The following RPS6KC1 variants were observed in gnomAD, a reference collection of about 807,000 sequenced individuals.
RPS6KC1 encodes the protein ribosomal protein S6 kinase C1.
Under a neutral mutation model 103.8 loss-of-function variants are expected in RPS6KC1, and 54 were observed. That is an observed-to-expected ratio of 0.52 (90% CI 0.42 to 0.65). The LOEUF is 0.65. Ranked by LOEUF, RPS6KC1 falls within the 30% of genes least tolerant of loss-of-function variation. RPS6KC1 has a pLI of 0.00. For missense variants in RPS6KC1, 1,151 were observed against 1,253.8 expected, an observed-to-expected ratio of 0.92 and a Z score of 1.24; for synonymous variants, 439 against 438.7, an observed-to-expected ratio of 1.00 and a Z score of -0.01.
At chr1:213,616,596 G>C in the RPS6KC1 span, among the ~76,000 whole-genome samples, 1 of 152,222 alleles carries the variant, frequency 6.6e-6, no homozygotes, top group African/African-American at 2.4e-5. Context: ...AGGATCGCTT[G>C]AGCCCAGGAG....
the RPS6KC1 span, among the ~76,000 whole-genome samples, chr1:213,598,252 C>T: frequency 3.9e-5 from 6 of 152,296 alleles, no homozygotes; most frequent in African/African-American, 1.4e-4. Flanking sequence ...TCCAACAGCA[C>T]ATAAGTAGGA....
At chr1:213,510,207 C>A in the RPS6KC1 span, among the ~76,000 whole-genome samples, 4 of 152,232 alleles carry the variant, frequency 2.6e-5, no homozygotes, top group African/African-American at 9.6e-5. Flanking sequence ...AAGCCCCAGG[C>A]ATTACCTGTG....
chr1:213,169,926 C>T lies in RPS6KC1; in HGVS notation c.951+1953C>T, dbSNP rs139098693. 9.2e-3 allele frequency among the ~76,000 whole-genome samples: 1,404 copies of T among 151,806 alleles called. 43 individuals carry two copies. The highest frequency in any genetic ancestry group is 0.071 in the East Asian group (364 of 5,158). On this transcript the variant is annotated intron_variant, in intron 7 of 14. Coordinates refer to ENST00000366960, the MANE Select transcript of RPS6KC1 (RefSeq NM_012424.6). The stretch of plus-strand genomic sequence containing the variant: ...CCTCCCGAGTAGCTGGGACTACAGG[C>T]GCATGCCACTATGCCTGGCTAATTT...
chr1:213,432,048 A>G, the RPS6KC1 span, among the ~76,000 whole-genome samples: 4 of 152,196 alleles, frequency 2.6e-5, no homozygotes, highest in Admixed American at 6.5e-5. Context: ...GTGCCTAATG[A>G]CAGTGATCAC....
the RPS6KC1 span, among the ~76,000 whole-genome samples, chr1:213,609,912 C>G: frequency 4.0e-5 from 6 of 151,558 alleles, no homozygotes; most frequent in South Asian, 8.4e-4. Flanking sequence ...GCTTTTCTAC[C>G]CTTTCCATGA....
chr1:213,372,871 A>G, the RPS6KC1 span, among the ~76,000 whole-genome samples: 7 of 152,016 alleles, frequency 4.6e-5, no homozygotes, highest in African/African-American at 1.7e-4. Flanking sequence ...ATACAAATAC[A>G]TACATATTTA....
chr1:213,687,500 C>T, the RPS6KC1 span, among the ~76,000 whole-genome samples: 21 of 152,140 alleles, frequency 1.4e-4, no homozygotes, highest in African/African-American at 4.3e-4. Context: ...TCTAATATCA[C>T]ATACATTTAC....
chr1:213,796,792 G>A, the RPS6KC1 span, among the ~76,000 whole-genome samples: 1 of 152,188 alleles, frequency 6.6e-6, no homozygotes, highest in Non-Finnish European at 1.5e-5. Flanking sequence ...AGTGATCAAA[G>A]TTTAACCCGA....
At chr1:213,437,907 TA>T in the RPS6KC1 span, among the ~76,000 whole-genome samples, 1 of 152,160 alleles carries the variant, frequency 6.6e-6, no homozygotes, top group African/African-American at 2.4e-5. Context: ...GTTTTAGTAA[TA>T]TATTTTATAT....
the RPS6KC1 span, among the ~76,000 whole-genome samples, chr1:213,319,804 C>T: frequency 6.6e-6 from 1 of 152,178 alleles, no homozygotes; most frequent in African/African-American, 2.4e-5. Flanking sequence ...ATCTGCTGTA[C>T]CTACCCAATA....
At chr1:213,418,242 G>A in the RPS6KC1 span, among the ~76,000 whole-genome samples, 5 of 152,208 alleles carry the variant, frequency 3.3e-5, no homozygotes, top group Non-Finnish European at 5.9e-5. Context: ...ACTGATGTGT[G>A]TGCATGAAAT....
the RPS6KC1 span, among the ~76,000 whole-genome samples, chr1:213,738,865 TAAATAAATA>T: frequency 1.1e-5 from 1 of 89,248 alleles, no homozygotes; most frequent in African/African-American, 3.6e-5. Flanking sequence ...AATAAATAAA[TAAATAAATA>T]AAAAGCTTTA....
the RPS6KC1 span, among the ~76,000 whole-genome samples, chr1:213,305,326 A>C: frequency 1.1e-3 from 161 of 152,030 alleles, no homozygotes; most frequent in Non-Finnish European, 2.1e-3. Context: ...CAGGTGATCC[A>C]CTTGCCTCAG....
chr1:213,360,737 G>A, the RPS6KC1 span, among the ~76,000 whole-genome samples: 1 of 152,116 alleles, frequency 6.6e-6, no homozygotes, highest in African/African-American at 2.4e-5. Context: ...TGGGGTTTTG[G>A]TGTCGATGTC....
At chr1:213,558,619 C>T in the RPS6KC1 span, among the ~76,000 whole-genome samples, 14 of 152,210 alleles carry the variant, frequency 9.2e-5, no homozygotes, top group South Asian at 2.1e-4. Flanking sequence ...ATGGAAATCA[C>T]GCACTGTTAA....
the RPS6KC1 span, among the ~76,000 whole-genome samples, chr1:213,729,590 A>G: frequency 7.3e-3 from 1,115 of 152,098 alleles, 13 homozygotes; most frequent in African/African-American, 0.025. Flanking sequence ...TGGTCTCTCA[A>G]AATCAGTCCA....
chr1:213,371,140 C>T, the RPS6KC1 span, among the ~76,000 whole-genome samples: 2 of 152,060 alleles, frequency 1.3e-5, no homozygotes, highest in African/African-American at 4.8e-5. Context: ...GTCAACTGTC[C>T]TTCTACCTGC....
the RPS6KC1 span, among the ~76,000 whole-genome samples, chr1:213,319,243 G>A: frequency 6.6e-6 from 1 of 150,520 alleles, no homozygotes; most frequent in African/African-American, 2.5e-5. Flanking sequence ...AACCCGGGAG[G>A]TGGAGGCTGC....
In RPS6KC1 at chr1:213,240,715, G is replaced by C; in HGVS notation, c.1239G>C (p.Trp413Cys). The C allele has an allele frequency of 6.2e-7, 1 of 1,609,966 alleles. No individual in the cohort carries two copies. Residue 413 changes from tryptophan (W) to cysteine (C), a missense_variant, in exon 11 of 15, where the codon TGG (tryptophan) becomes TGC (cysteine). Trp to Cys is a radical substitution (Grantham distance 215, BLOSUM62 -2). Around this residue, in one of 3 missense-constraint regions of RPS6KC1, gnomAD observed 959 missense variants for 1,006.3 expected, o/e 0.95. Transcript: ENST00000366960. Reference protein sequence around the residue: ...VLQHAEGGKLWSYISKFLNRS... With the variant: ...VLQHAEGGKLCSYISKFLNRS... ...ACTTGTTCACAGGTGGCAAACTGTGGTCATATATCAGTAAATTTCTAAACA... is the reference window on the plus strand; with the variant it reads ...ACTTGTTCACAGGTGGCAAACTGTGCTCATATATCAGTAAATTTCTAAACA...
Sources: allele counts gnomAD v4.1 joint callset (sites outside exome capture counted in the v4.1 genomes callset), GRCh38; gene constraint gnomAD v4.1.1; regional missense constraint gnomAD v4.1.1; transcripts MANE v1.5; gene names NCBI Gene and HGNC (gene_info 2026-07-23, HGNC 2026-07-21).